GRHL2: variants seen among roughly 807,000 people sequenced by gnomAD.
GRHL2 encodes the protein grainyhead like transcription factor 2, also known as grainyhead-like protein 2 homolog.
In GRHL2, 21 loss-of-function variants were observed where a neutral mutation model predicts 83.8. That is an observed-to-expected ratio of 0.25 (90% CI 0.18 to 0.36). The LOEUF (loss-of-function observed/expected upper bound fraction) is 0.36. GRHL2 is among the 10% of genes least tolerant of loss of function. The probability of loss-of-function intolerance (pLI) is 1.00; values close to 1 mark genes in which losing one functional copy is unlikely to be tolerated. For synonymous variants in GRHL2, 280 were observed against 278.9 expected, an observed-to-expected ratio of 1.00 and a Z score of -0.04; for missense variants, 623 against 781.8, an observed-to-expected ratio of 0.80 and a Z score of 2.42.
At chr8:101,671,402 C>G (rs904346929), downstream of GRHL2, among the ~76,000 whole-genome samples, 4 of 152,178 alleles carry the variant, frequency 2.6e-5, no homozygotes, top group Non-Finnish European at 5.9e-5. Flanking sequence ...CGCATGGAGT[C>G]TCGCTGATTG....
chr8:101,510,789 G>T (rs499561), intron 1 of GRHL2, among the ~76,000 whole-genome samples: 23,330 of 152,100 alleles, frequency 0.15, 1,948 homozygotes, highest in East Asian at 0.32. Context: ...ATGCATTTGA[G>T]AGTTTTAAAA....
chr8:101,568,871 T>G (rs1811768312), intron 4 of GRHL2, among the ~76,000 whole-genome samples: 3 of 152,164 alleles, frequency 2.0e-5, no homozygotes, highest in African/African-American at 7.2e-5. Flanking sequence ...ATAATCTTCT[T>G]GAATTCAAGA....
intron 10 of GRHL2, 34 bp downstream of exon 10, chr8:101,631,758 A>G (rs766497481): frequency 5.8e-6 from 9 of 1,560,520 alleles, no homozygotes; most frequent in Non-Finnish European, 8.0e-6. Context: ...TGCTTTCTAA[A>G]GACTCCAGGT....
At chr8:101,619,883 A>ATTTTTTTT in intron 9 of GRHL2, among the ~76,000 whole-genome samples, 186 bp downstream of exon 9, 1 of 129,346 alleles carries the variant, frequency 7.7e-6, no homozygotes, top group South Asian at 2.5e-4. Flanking sequence ...TCAGTCAACT[A>ATTTTTTTT]TTTTTTTTTT....
intron 1 of GRHL2, among the ~76,000 whole-genome samples, chr8:101,511,110 A>G (rs1810455612): frequency 6.6e-6 from 1 of 152,196 alleles, no homozygotes; most frequent in Non-Finnish European, 1.5e-5. Flanking sequence ...CAAAAAAAAA[A>G]AATTTTTTTT....
At chr8:101,528,669 A>G in intron 1 of GRHL2, 1 of 203,690 alleles carries the variant, frequency 4.9e-6, no homozygotes, top group South Asian at 8.9e-5. Context: ...TTCAGCAGGC[A>G]ATCCCATAGC....
intron 9 of GRHL2, among the ~76,000 whole-genome samples, chr8:101,620,571 C>G (rs1384282161): frequency 1.3e-5 from 2 of 152,158 alleles, no homozygotes; most frequent in South Asian, 2.1e-4. Flanking sequence ...AAAATGTGAA[C>G]AGCAAAACTT....
chr8:101,592,341 G>C (rs183155435), intron 7 of GRHL2, among the ~76,000 whole-genome samples: 1 of 152,034 alleles, frequency 6.6e-6, no homozygotes, highest in Non-Finnish European at 1.5e-5. Flanking sequence ...CTGACCTCGT[G>C]ATCCACCTGC....
intron 1 of GRHL2, 138 bp from the exon 2 acceptor site, chr8:101,543,103 T>A: frequency 1.3e-6 from 1 of 743,048 alleles, no homozygotes; most frequent in Non-Finnish European, 2.4e-6. Flanking sequence ...TCACTTTAAC[T>A]TTAAACTTCT....
rs1814141865 is a variant in GRHL2 at position 101,668,938 on chromosome 8, TG to T, written c.*2236del. 1 of 152,246 alleles carries T rather than the reference TG, an allele frequency of 6.6e-6. No homozygotes were observed. Among genetic ancestry groups the T allele is most frequent in the South Asian group, 2.1e-4 (1 of 4,832 alleles). 9.4% of individuals were successfully genotyped at this position (152,246 alleles called of 1,614,324 possible). On this transcript the variant is annotated 3_prime_UTR_variant, in exon 16 of 16. Coordinates refer to ENST00000646743, the MANE Select transcript of GRHL2 (RefSeq NM_024915.4). ...GAAGATGAATTGAAGATGCTGTGCATGTTTCCTAAGTCCTTGAGCAATCATG... is the reference window on the plus strand; with the variant it reads ...GAAGATGAATTGAAGATGCTGTGCATTTTCCTAAGTCCTTGAGCAATCATG...
intron 1 of GRHL2, among the ~76,000 whole-genome samples, chr8:101,516,416 T>C (rs1349706139): frequency 6.9e-6 from 1 of 143,990 alleles, no homozygotes; most frequent in African/African-American, 2.6e-5. Context: ...TTTCCTTTTT[T>C]TTTTTTTTTT....
intron 4 of GRHL2, among the ~76,000 whole-genome samples, chr8:101,568,195 CA>C (rs1377975044): frequency 2.0e-5 from 3 of 152,204 alleles, no homozygotes; most frequent in African/African-American, 7.2e-5. Flanking sequence ...AAATTTATTT[CA>C]GTCTAATCCA....
intron 7 of GRHL2, among the ~76,000 whole-genome samples, chr8:101,583,551 A>G (rs1470804788): frequency 1.3e-5 from 2 of 152,106 alleles, no homozygotes; most frequent in South Asian, 2.1e-4. Context: ...AGCCAGGGGC[A>G]TGTTGATTTT....
intron 1 of GRHL2, among the ~76,000 whole-genome samples, chr8:101,512,438 A>G (rs1229735667): frequency 6.6e-6 from 1 of 152,174 alleles, no homozygotes; most frequent in Non-Finnish European, 1.5e-5. Flanking sequence ...TCTTTTTGGT[A>G]CTATTTTAAG....
Position 101,669,644 on chromosome 8 carries a change from A to C in GRHL2, c.*2941A>C, listed in dbSNP as rs1297365029. The C allele has an allele frequency of 6.6e-6, 1 of 152,496 alleles. No individual in the cohort carries two copies. Among genetic ancestry groups the C allele is most frequent in the Non-Finnish European group, 1.5e-5 (1 of 68,008 alleles). The allele number at this position is 152,496 out of a possible 1,614,324, so 9.4% of individuals were successfully genotyped here. On this transcript the variant is annotated 3_prime_UTR_variant, in exon 16 of 16. Transcript: ENST00000646743. ...TAGTTTTGTAAATGGGAGAGGGGGA[A>C]TCTATAAACTATAAATACAGTTATT...
chr8:101,661,167 ATTAGTG>A (rs1813913168), intron 14 of GRHL2, among the ~76,000 whole-genome samples: 1 of 152,228 alleles, frequency 6.6e-6, no homozygotes. Context: ...ATCAGCTATC[ATTAGTG>A]TTAGTGTGTT....
chr8:101,562,215 G>C, intron 4 of GRHL2: 1 of 604,086 alleles, frequency 1.7e-6, no homozygotes, highest in Non-Finnish European at 3.1e-6. Context: ...TCTCTTCATT[G>C]AATCAATACT....
At chr8:101,616,155 T>C (rs1812853274) in intron 8 of GRHL2, among the ~76,000 whole-genome samples, 1 of 150,662 alleles carries the variant, frequency 6.6e-6, no homozygotes, top group Admixed American at 6.6e-5. Flanking sequence ...CTCTCTCTCT[T>C]CTTCCTTCCT....
Position 101,580,428 on chromosome 8 carries a change from C to T in GRHL2, c.1003+2909C>T, listed in dbSNP as rs1458290109. 2.0e-5 allele frequency among the ~76,000 whole-genome samples: 3 copies of T among 152,238 alleles called. No individual in the cohort carries two copies. In the East Asian group the frequency reaches 5.8e-4, roughly 29 times the overall value. On this transcript the variant is annotated intron_variant, in intron 7 of 15. Transcript: ENST00000646743. ...TCCTGCTCTCTAACTGTGTTTGTAC[C>T]CATTAACCAACCTCTCTTCATCCCT...
Sources: allele counts gnomAD v4.1 joint callset (sites outside exome capture counted in the v4.1 genomes callset), GRCh38; gene constraint gnomAD v4.1.1; transcripts MANE v1.5; gene names NCBI Gene and HGNC (gene_info 2026-07-23, HGNC 2026-07-21).